Variants in ANGPT1 observed in about 807,000 individuals in gnomAD.
ANGPT1 encodes angiopoietin 1.
ANGPT1 carries 17 observed loss-of-function variants against 62.2 expected under a neutral mutation model. The ratio of observed to expected loss-of-function variants is 0.27; its 90% CI spans 0.19 to 0.41. The LOEUF is 0.41. Ranked by LOEUF, ANGPT1 falls within the 10% of genes least tolerant of loss-of-function variation. The pLI, the probability that ANGPT1 is intolerant of heterozygous loss-of-function variation, is 1.00. For missense variants in ANGPT1, 478 were observed against 594.9 expected (o/e 0.80, Z 2.04); for synonymous variants, 199 against 198.9 (o/e 1.00, Z 0.00).
intron 1 of ANGPT1, among the ~76,000 whole-genome samples, chr8:107,454,642 G>A (rs187329771): frequency 1.9e-4 from 29 of 152,086 alleles, no homozygotes; most frequent in Non-Finnish European, 2.4e-4. Context: ...CCGCTAATGC[G>A]CTGAGATGTA....
rs1813200914 is a variant in ANGPT1, at chr8:107,249,511, A to G, written c.*2344T>C. 6.6e-6 allele frequency: 1 copy of G among 152,222 alleles called. No homozygotes were observed. Among genetic ancestry groups the G allele is most frequent in the African/African-American group, 2.4e-5 (1 of 41,478 alleles). 9.4% of individuals were successfully genotyped at this position (152,222 alleles called of 1,614,324 possible). A position where few individuals can be genotyped will look rare whatever the true frequency, so the allele number is the denominator to read the frequency against. On this transcript the variant is annotated 3_prime_UTR_variant, in exon 9 of 9. Transcript: ENST00000517746. ...ACAAATATTACTTTCAATTTTATTT[A>G]AATCAAATAATGTTGTGATGATATG...
intron 8 of ANGPT1, among the ~76,000 whole-genome samples, chr8:107,260,633 T>C (rs7007769): frequency 0.016 from 2,416 of 152,310 alleles, 87 homozygotes; most frequent in African/African-American, 0.055. Context: ...TTCATCCTTA[T>C]GTTCTCCAGT....
At chr8:107,289,328 T>C (rs1814217854) in intron 6 of ANGPT1, among the ~76,000 whole-genome samples, 1 of 152,170 alleles carries the variant, frequency 6.6e-6, no homozygotes, top group Non-Finnish European at 1.5e-5. Flanking sequence ...GTTTGTGCTT[T>C]TCCAAGTTAA....
intron 7 of ANGPT1, among the ~76,000 whole-genome samples, chr8:107,275,847 A>G (rs1320776258): frequency 6.6e-6 from 1 of 152,198 alleles, no homozygotes; most frequent in Non-Finnish European, 1.5e-5. Context: ...AACTTTTGCC[A>G]ACCTGTAAGT....
intron 1 of ANGPT1, among the ~76,000 whole-genome samples, chr8:107,485,983 C>T (rs1812803163): frequency 6.6e-6 from 1 of 152,198 alleles, no homozygotes; most frequent in Non-Finnish European, 1.5e-5. Context: ...ATTCTGCGGT[C>T]TGTTAACAGG....
At chr8:107,262,702 G>A (rs1040335976) in intron 8 of ANGPT1, among the ~76,000 whole-genome samples, 1 of 152,216 alleles carries the variant, frequency 6.6e-6, no homozygotes, top group Non-Finnish European at 1.5e-5. Context: ...AACAATTGAA[G>A]GTGGTAGTGA....
At chr8:107,284,907 G>A in intron 6 of ANGPT1, 59 bp from the exon 7 acceptor site, 1 of 1,253,002 alleles carries the variant, frequency 8.0e-7, no homozygotes, top group Non-Finnish European at 1.1e-6. Flanking sequence ...TTCATGTTCA[G>A]CATTTAACTA....
chr8:107,297,877 G>T lies in ANGPT1; in HGVS notation c.937-3840C>A, dbSNP rs538551367. On this transcript the variant is annotated intron_variant, in intron 5 of 8. Coordinates refer to ENST00000517746, the MANE Select transcript of ANGPT1 (RefSeq NM_001146.5). The stretch of plus-strand genomic sequence containing the variant: ...GTCAGAAAAAAAAATAAAAGCCTAT[G>T]CTTAACAGATGAAGGAAATTTAAAA... Among the ~76,000 whole-genome samples the T allele has an allele frequency of 7.3e-5, 11 of 151,622 alleles. No homozygotes were observed. The South Asian group carries it at 2.3e-3, about 31-fold the overall frequency.
At chr8:107,488,318 T>C (rs1048908268) in intron 1 of ANGPT1, among the ~76,000 whole-genome samples, 1 of 152,166 alleles carries the variant, frequency 6.6e-6, no homozygotes, top group Non-Finnish European at 1.5e-5. Context: ...CTAACTAATA[T>C]TTGATTATTT....
chr8:107,405,242 A>G (rs1817125134), intron 1 of ANGPT1, among the ~76,000 whole-genome samples: 1 of 151,918 alleles, frequency 6.6e-6, no homozygotes, highest in Non-Finnish European at 1.5e-5. Flanking sequence ...TAGCTTTATT[A>G]TATGTAGAGC....
chr8:107,341,822 G>A (rs530435586), intron 2 of ANGPT1, among the ~76,000 whole-genome samples: 8 of 151,856 alleles, frequency 5.3e-5, no homozygotes, highest in East Asian at 3.9e-4. Flanking sequence ...GTCTATCTCC[G>A]GAGTCTGGGT....
intron 4 of ANGPT1, among the ~76,000 whole-genome samples, chr8:107,305,896 A>G (rs892616732): frequency 3.3e-5 from 5 of 152,066 alleles, no homozygotes; most frequent in Admixed American, 6.6e-5. Flanking sequence ...AAATCATTGT[A>G]AAAGTTTCAT....
At chr8:107,436,566 C>G (rs1273309004) in intron 1 of ANGPT1, among the ~76,000 whole-genome samples, 1 of 152,198 alleles carries the variant, frequency 6.6e-6, no homozygotes, top group Non-Finnish European at 1.5e-5. Flanking sequence ...CAGCAACCTT[C>G]TGCGGATCTA....
chr8:107,477,781 G>T (rs1043725716), intron 1 of ANGPT1, among the ~76,000 whole-genome samples: 11 of 151,894 alleles, frequency 7.2e-5, no homozygotes, highest in African/African-American at 2.4e-4. Flanking sequence ...TTTCTTATAT[G>T]TATTTCTTCC....
intron 1 of ANGPT1, among the ~76,000 whole-genome samples, chr8:107,447,979 C>A (rs2130447021): frequency 6.6e-6 from 1 of 152,262 alleles, no homozygotes; most frequent in African/African-American, 2.4e-5. Context: ...AAGCTGAAGC[C>A]TCATTGAGTT....
chr8:107,439,823 C>A (rs1811425808), intron 1 of ANGPT1, among the ~76,000 whole-genome samples: 2 of 152,106 alleles, frequency 1.3e-5, no homozygotes, highest in African/African-American at 4.8e-5. Flanking sequence ...CCAGGAGGCC[C>A]TTAAAAGAGT....
intron 6 of ANGPT1, among the ~76,000 whole-genome samples, chr8:107,289,383 C>T (rs1213606670): frequency 6.6e-6 from 1 of 152,076 alleles, no homozygotes; most frequent in Non-Finnish European, 1.5e-5. Context: ...TCTGATAATG[C>T]TCTCAGGAAG....
intron 7 of ANGPT1, among the ~76,000 whole-genome samples, chr8:107,278,903 T>C (rs912946344): frequency 6.6e-6 from 1 of 152,304 alleles, no homozygotes; most frequent in Non-Finnish European, 1.5e-5. Flanking sequence ...TTGTCTGCCA[T>C]GCCAAATTTC....
At chr8:107,261,298 C>G (rs541297840) in intron 8 of ANGPT1, among the ~76,000 whole-genome samples, 1 of 151,976 alleles carries the variant, frequency 6.6e-6, no homozygotes, top group African/African-American at 2.4e-5. Context: ...AGATTTGTAG[C>G]AACTAGTTTT....
Sources: allele counts gnomAD v4.1 joint callset (sites outside exome capture counted in the v4.1 genomes callset), GRCh38; gene constraint gnomAD v4.1.1; transcripts MANE v1.5; gene names NCBI Gene and HGNC (gene_info 2026-07-23, HGNC 2026-07-21).